Variants in ANKS1B observed in about 807,000 individuals in gnomAD.
ANKS1B encodes the protein ankyrin repeat and sterile alpha motif domain containing 1B, also known as ankyrin repeat and sterile alpha motif domain-containing protein 1B.
Under a neutral mutation model 148.3 loss-of-function variants are expected in ANKS1B, and 36 were observed. The observed-to-expected ratio is 0.24, with a 90% CI of 0.19 to 0.32. ANKS1B has a LOEUF of 0.32. Among genes scored for constraint, ANKS1B ranks in the 10% least tolerant of loss-of-function variants. The pLI, the probability that ANKS1B is intolerant of heterozygous loss-of-function variation, is 1.00. For missense variants in ANKS1B, 1,157 were observed against 1,542.6 expected, an observed-to-expected ratio of 0.75 and a Z score of 4.19; for synonymous variants, 542 against 560.8, an observed-to-expected ratio of 0.97 and a Z score of 0.47.
chr12:99,879,347 C>A (rs2092339090), intron 1 of ANKS1B, among the ~76,000 whole-genome samples: 1 of 152,208 alleles, frequency 6.6e-6, no homozygotes, highest in Admixed American at 6.5e-5. Context: ...CACTCCTATC[C>A]TCCCTACTTT....
At chr12:99,104,463 G>A (rs1181374326) in intron 15 of ANKS1B, 1 of 152,026 alleles carries the variant, frequency 6.6e-6, no homozygotes, top group African/African-American at 2.4e-5. Context: ...GATCCTCTAG[G>A]CCCGATTTTG....
At chr12:99,681,745 C>G (rs1295769206) in intron 8 of ANKS1B, among the ~76,000 whole-genome samples, 6 of 152,068 alleles carry the variant, frequency 3.9e-5, no homozygotes, top group Non-Finnish European at 8.8e-5. Context: ...GAGAAGAAAC[C>G]AAAAAGACAA....
intron 14 of ANKS1B, among the ~76,000 whole-genome samples, chr12:99,215,415 C>T (rs555918708): frequency 6.6e-6 from 1 of 152,312 alleles, no homozygotes; most frequent in Admixed American, 6.5e-5. Flanking sequence ...GGCCACCCTC[C>T]TCCAGACCTC....
intron 12 of ANKS1B, among the ~76,000 whole-genome samples, chr12:99,289,687 C>T (rs1227287190): frequency 3.3e-5 from 5 of 151,572 alleles, no homozygotes; most frequent in Non-Finnish European, 5.9e-5. Context: ...TTAATAAAGA[C>T]ATTAAAATAA....
intron 15 of ANKS1B, among the ~76,000 whole-genome samples, chr12:99,129,479 T>C (rs1040844556): frequency 2.0e-5 from 3 of 152,132 alleles, no homozygotes; most frequent in African/African-American, 7.2e-5. Context: ...TTATTTGAGG[T>C]GCAGTCACAA....
At chr12:98,895,410 G>C (rs11109656) in intron 17 of ANKS1B, 354,893 of 665,294 alleles carry the variant, frequency 0.53, 98,193 homozygotes, top group East Asian at 0.73. Flanking sequence ...AGCAGTGGCA[G>C]CAGCCGCCAC....
At chr12:99,899,246 G>A (rs1280314236) in intron 1 of ANKS1B, among the ~76,000 whole-genome samples, 1 of 152,178 alleles carries the variant, frequency 6.6e-6, no homozygotes, top group Non-Finnish European at 1.5e-5. Context: ...CAGCAAATAA[G>A]TGGCAGAACT....
chr12:99,402,922 G>A (rs1254823933), intron 11 of ANKS1B, among the ~76,000 whole-genome samples: 1 of 145,272 alleles, frequency 6.9e-6, no homozygotes. Context: ...TTGAACTAAT[G>A]TATACTCCCA....
intron 8 of ANKS1B, among the ~76,000 whole-genome samples, chr12:99,731,342 C>T (rs552506016): frequency 6.6e-6 from 1 of 151,996 alleles, no homozygotes; most frequent in African/African-American, 2.4e-5. Context: ...TTGTCTCAAA[C>T]TCCTGACCTC....
intron 19 of ANKS1B, among the ~76,000 whole-genome samples, chr12:98,821,795 A>G (rs1344298783): frequency 6.6e-6 from 1 of 151,734 alleles, no homozygotes; most frequent in East Asian, 1.9e-4. Context: ...TTTAGCAGAG[A>G]TGGGGTTTTG....
chr12:99,158,758 G>T (rs2076341983), intron 14 of ANKS1B, among the ~76,000 whole-genome samples: 2 of 152,080 alleles, frequency 1.3e-5, no homozygotes, highest in Admixed American at 6.6e-5. Flanking sequence ...GCTCCCTCTG[G>T]CCCCTCCTTC....
chr12:99,904,393 T>C (rs930966338), intron 1 of ANKS1B, among the ~76,000 whole-genome samples: 1 of 152,046 alleles, frequency 6.6e-6, no homozygotes, highest in Non-Finnish European at 1.5e-5. Flanking sequence ...GGTTTCACCA[T>C]GTTGGCCATG....
chr12:98,842,968 A>T (rs2099416214), intron 17 of ANKS1B, among the ~76,000 whole-genome samples: 1 of 152,212 alleles, frequency 6.6e-6, no homozygotes, highest in African/African-American at 2.4e-5. Flanking sequence ...ATGCTTTCTA[A>T]GTACTTACAA....
chr12:98,971,352 G>A (rs2099882954), intron 17 of ANKS1B, among the ~76,000 whole-genome samples: 1 of 152,138 alleles, frequency 6.6e-6, no homozygotes, highest in South Asian at 2.1e-4. Flanking sequence ...ATTTGTCAAA[G>A]TAACAAAGTA....
At chr12:99,506,251 G>A (rs189817672) in intron 9 of ANKS1B, among the ~76,000 whole-genome samples, 304 of 151,854 alleles carry the variant, frequency 2.0e-3, no homozygotes, top group Middle Eastern at 3.4e-3. Flanking sequence ...TAAGAAAATA[G>A]ACTAATATTT....
At chr12:99,369,824 G>A (rs1004257553) in intron 12 of ANKS1B, among the ~76,000 whole-genome samples, 2 of 148,086 alleles carry the variant, frequency 1.4e-5, no homozygotes, top group Non-Finnish European at 3.0e-5. Context: ...ACGGACAGAC[G>A]GACGGATAGA....
chr12:99,858,667 A>G (rs2089571050), intron 1 of ANKS1B, among the ~76,000 whole-genome samples: 1 of 152,202 alleles, frequency 6.6e-6, no homozygotes, highest in African/African-American at 2.4e-5. Flanking sequence ...AATGTGGTAA[A>G]TATATATACC....
At chr12:99,471,677 C>T (rs185784782) in intron 10 of ANKS1B, among the ~76,000 whole-genome samples, 111 of 151,924 alleles carry the variant, frequency 7.3e-4, no homozygotes, top group East Asian at 4.8e-3. Context: ...CACATACACA[C>T]GCTCTTTAAA....
intron 11 of ANKS1B, among the ~76,000 whole-genome samples, chr12:99,433,269 A>C (rs545776858): frequency 6.6e-5 from 10 of 152,162 alleles, no homozygotes; most frequent in Non-Finnish European, 1.3e-4. Flanking sequence ...ATATTTATAT[A>C]AAAACTAAAA....
Sources: allele counts gnomAD v4.1 joint callset (sites outside exome capture counted in the v4.1 genomes callset), GRCh38; gene constraint gnomAD v4.1.1; transcripts MANE v1.5; gene names NCBI Gene and HGNC (gene_info 2026-07-23, HGNC 2026-07-21).